RFX3: variants seen among roughly 807,000 people sequenced by gnomAD.
The protein encoded by RFX3 is transcription factor RFX3.
Under a neutral mutation model 98.6 loss-of-function variants are expected in RFX3, and 14 were observed. The observed-to-expected ratio is 0.14, with a 90% CI of 0.09 to 0.22. The LOEUF (loss-of-function observed/expected upper bound fraction) is 0.22. RFX3 is among the 10% of genes least tolerant of loss of function. The pLI, the probability that RFX3 is intolerant of heterozygous loss-of-function variation, is 1.00. For missense variants in RFX3, 639 were observed against 926.9 expected, an observed-to-expected ratio of 0.69 and a Z score of 4.03; for synonymous variants, 383 against 328.4, an observed-to-expected ratio of 1.17 and a Z score of -1.80.
At chr9:3,424,916 T>C (rs535532750) in intron 1 of RFX3, among the ~76,000 whole-genome samples, 1 of 151,982 alleles carries the variant, frequency 6.6e-6, no homozygotes, top group African/African-American at 2.4e-5. Context: ...TTTTAGAGAG[T>C]AGGATGCCTT....
At chr9:3,467,173 T>TA (rs1564139233) in intron 1 of RFX3, among the ~76,000 whole-genome samples, 2 of 126,338 alleles carry the variant, frequency 1.6e-5, no homozygotes, top group Non-Finnish European at 3.2e-5. Flanking sequence ...ACGTATATAA[T>TA]GTATATATGT....
intron 14 of RFX3, among the ~76,000 whole-genome samples, chr9:3,249,005 A>G (rs1203551361): frequency 6.6e-6 from 1 of 152,076 alleles, no homozygotes; most frequent in African/African-American, 2.4e-5. Flanking sequence ...ATCTTAAAAT[A>G]GTCATAATTT....
At chr9:3,306,868 G>T (rs928495781) in intron 4 of RFX3, among the ~76,000 whole-genome samples, 8 of 152,060 alleles carry the variant, frequency 5.3e-5, no homozygotes, top group African/African-American at 1.9e-4. Flanking sequence ...GTTCAAGGAA[G>T]GGTAAGATTG....
At chr9:3,297,785 T>C (rs1261697195) in intron 5 of RFX3, among the ~76,000 whole-genome samples, 1 of 151,896 alleles carries the variant, frequency 6.6e-6, no homozygotes, top group Non-Finnish European at 1.5e-5. Context: ...GAGAAGTACA[T>C]AAAATAGACG....
chr9:3,483,993 A>G (rs1850035296), intron 1 of RFX3, among the ~76,000 whole-genome samples: 1 of 152,198 alleles, frequency 6.6e-6, no homozygotes, highest in African/African-American at 2.4e-5. Flanking sequence ...TTTTGTGAAT[A>G]CCAAATATAT....
chr9:3,505,225 T>TATATGA (rs1448571580), intron 1 of RFX3, among the ~76,000 whole-genome samples: 1 of 95,542 alleles, frequency 1.0e-5, no homozygotes, highest in Non-Finnish European at 1.8e-5. Context: ...TATATATTTA[T>TATATGA]ATATGAATAT....
At chr9:3,466,784 C>T (rs1188502539) in intron 1 of RFX3, among the ~76,000 whole-genome samples, 4 of 151,670 alleles carry the variant, frequency 2.6e-5, no homozygotes, top group East Asian at 1.9e-4. Flanking sequence ...AATTATTGCC[C>T]GAAGTCAAAG....
intron 1 of RFX3, among the ~76,000 whole-genome samples, chr9:3,501,344 C>G (rs1318928011): frequency 2.0e-5 from 3 of 151,868 alleles, no homozygotes; most frequent in African/African-American, 4.8e-5. Flanking sequence ...AGTTGGTAAA[C>G]AAGAACTTGA....
Position 3,462,055 on chromosome 9 carries a change from C to T in RFX3, c.-9+63692G>A, listed in dbSNP as rs114125090. Among the ~76,000 whole-genome samples, 10 of 151,914 alleles carry T rather than the reference C, an allele frequency of 6.6e-5. No homozygotes were observed. The South Asian group carries it at 1.9e-3, about 28-fold the overall frequency. ...GTTTACTCCTCCTGAAAATAAAAGA[C>T]GGAACATTCCCCAACTCATTTTATG... On this transcript the variant is annotated intron_variant, in intron 1 of 16. Transcript: ENST00000617270.
intron 1 of RFX3, among the ~76,000 whole-genome samples, chr9:3,523,448 T>C (rs1818921547): frequency 6.6e-6 from 1 of 152,156 alleles, no homozygotes; most frequent in South Asian, 2.1e-4. Context: ...CCCACATATA[T>C]GCTTCAAAAA....
At chr9:3,453,047 C>T (rs994594655) in intron 1 of RFX3, among the ~76,000 whole-genome samples, 1 of 152,122 alleles carries the variant, frequency 6.6e-6, no homozygotes, top group African/African-American at 2.4e-5. Context: ...GCTTCTTCAT[C>T]TGCAAAACTG....
At chr9:3,396,827 C>A (rs1840939409) in intron 1 of RFX3, among the ~76,000 whole-genome samples, 1 of 152,144 alleles carries the variant, frequency 6.6e-6, no homozygotes, top group Admixed American at 6.5e-5. Flanking sequence ...CTTTTGGCTG[C>A]ATAAATAGAG....
chr9:3,289,965 C>T (rs1209478134), intron 6 of RFX3, among the ~76,000 whole-genome samples: 1 of 151,908 alleles, frequency 6.6e-6, no homozygotes, highest in Admixed American at 6.6e-5. Context: ...TAATTTGCCT[C>T]ATGATTTATA....
chr9:3,242,136 T>C (rs1350082624), intron 15 of RFX3, among the ~76,000 whole-genome samples: 1 of 152,210 alleles, frequency 6.6e-6, no homozygotes, highest in Non-Finnish European at 1.5e-5. Context: ...CTAAAGTTAG[T>C]TCTACCACTT....
intron 1 of RFX3, among the ~76,000 whole-genome samples, chr9:3,397,298 G>C (rs1362919605): frequency 2.6e-5 from 4 of 152,180 alleles, no homozygotes; most frequent in Non-Finnish European, 5.9e-5. Context: ...CTTTCCTGGA[G>C]GAATGGAGCA....
rs943336177 is a variant in RFX3 at position 3,449,249 on chromosome 9, T to C, written c.-8-53653A>G. On this transcript the variant is annotated intron_variant, in intron 1 of 16. Transcript: ENST00000617270. ...GTGTCCAAGATCATTGTTTCTAGGCTCTTCAAGCATAGGTCTCAACATTTC... is the reference window on the plus strand; with the variant it reads ...GTGTCCAAGATCATTGTTTCTAGGCCCTTCAAGCATAGGTCTCAACATTTC... Among the ~76,000 whole-genome samples, 3 of 152,210 alleles carry C rather than the reference T, an allele frequency of 2.0e-5. No homozygotes were observed. The South Asian group carries it at 6.2e-4, about 32-fold the overall frequency.
chr9:3,367,280 A>C (rs1837321839), intron 2 of RFX3, among the ~76,000 whole-genome samples: 1 of 152,070 alleles, frequency 6.6e-6, no homozygotes, highest in Non-Finnish European at 1.5e-5. Context: ...GCTACAAGAG[A>C]AGTCAAGCAG....
chr9:3,377,711 A>T (rs1838705528), intron 2 of RFX3, among the ~76,000 whole-genome samples: 1 of 152,190 alleles, frequency 6.6e-6, no homozygotes, highest in African/African-American at 2.4e-5. Context: ...TTTGGATGGG[A>T]GAGGAAAGGT....
chr9:3,329,431 AAAAAC>A (rs1832334386), intron 4 of RFX3, among the ~76,000 whole-genome samples: 3 of 150,412 alleles, frequency 2.0e-5, no homozygotes, highest in African/African-American at 7.4e-5. Flanking sequence ...AAAAAAAACA[AAAAAC>A]CACCAAACAA....
Sources: gnomAD v4.1 joint callset for allele counts (sites outside exome capture counted in the v4.1 genomes callset) on GRCh38, gnomAD v4.1.1 for gene constraint, MANE v1.5 for transcripts, NCBI Gene and HGNC (gene_info 2026-07-23, HGNC 2026-07-21) for gene names.